Variants in EPB41L3 observed in about 807,000 individuals in gnomAD.
EPB41L3 encodes the protein band 4.1-like protein 3.
EPB41L3 carries 57 observed loss-of-function variants against 127.1 expected under a neutral mutation model. The ratio of observed to expected loss-of-function variants is 0.45; its 90% CI spans 0.36 to 0.56. The LOEUF (loss-of-function observed/expected upper bound fraction) is 0.56. Among genes scored for constraint, EPB41L3 ranks in the 20% least tolerant of loss-of-function variants. The pLI is 0.00. For synonymous variants in EPB41L3, 572 were observed against 549.5 expected (o/e 1.04, Z -0.57); for missense variants, 1,273 against 1,372.2 (o/e 0.93, Z 1.14).
chr18:5,477,252 T>C (rs1329908078), intron 3 of EPB41L3, among the ~76,000 whole-genome samples: 2 of 152,082 alleles, frequency 1.3e-5, no homozygotes, highest in South Asian at 2.1e-4. Flanking sequence ...TTAGCTGTCA[T>C]GAGGGACGAG....
intron 3 of EPB41L3, among the ~76,000 whole-genome samples, chr18:5,469,955 T>C (rs972075099): frequency 2.0e-5 from 3 of 152,116 alleles, no homozygotes; most frequent in African/African-American, 4.8e-5. Flanking sequence ...AATTTTTGTA[T>C]TTTTAATAGA....
At chr18:5,561,002 G>C (rs1214628695) in intron 3 of EPB41L3, among the ~76,000 whole-genome samples, 2 of 144,626 alleles carry the variant, frequency 1.4e-5, no homozygotes, top group Non-Finnish European at 3.0e-5. Context: ...TTTTGAGATG[G>C]AGTCTCGCTC....
At chr18:5,400,318 C>T in intron 16 of EPB41L3, 1 of 318,802 alleles carries the variant, frequency 3.1e-6, no homozygotes, top group Non-Finnish European at 6.1e-6. Context: ...GAAGAGATAT[C>T]AAACCAGGAG....
chr18:5,425,773 A>G (rs935720983), intron 9 of EPB41L3, among the ~76,000 whole-genome samples: 1 of 152,176 alleles, frequency 6.6e-6, no homozygotes, highest in Non-Finnish European at 1.5e-5. Context: ...GAGCCTGCTT[A>G]TGCCAGCACC....
At chr18:5,564,117 C>T (rs960509218) in intron 3 of EPB41L3, among the ~76,000 whole-genome samples, 7 of 152,018 alleles carry the variant, frequency 4.6e-5, no homozygotes, top group South Asian at 2.1e-4. Flanking sequence ...TAGTCACAAG[C>T]GGCCTCACCA....
intron 13 of EPB41L3, among the ~76,000 whole-genome samples, chr18:5,411,995 C>T (rs146577014): frequency 1.7e-4 from 26 of 152,208 alleles, no homozygotes; most frequent in African/African-American, 5.1e-4. Context: ...ATGACCTGAC[C>T]GGCTTGGTTA....
rs541549183 is a variant in EPB41L3 at position 5,403,832 on chromosome 18, A to C, written c.2349+2945T>G. On this transcript the variant is annotated intron_variant, in intron 16 of 22. Transcript: ENST00000341928. ...TAGAGTAATATCAAATTAGTAACTTATTTTAAAAAATATCCCCTCCAAAAT... is the reference window on the plus strand; with the variant it reads ...TAGAGTAATATCAAATTAGTAACTTCTTTTAAAAAATATCCCCTCCAAAAT... 1.3e-5 allele frequency among the ~76,000 whole-genome samples: 2 copies of C among 152,282 alleles called. 1 individual carries two copies. Among genetic ancestry groups the C allele is most frequent in the South Asian group, 4.1e-4 (2 of 4,822 alleles).
At chr18:5,580,479 C>T (rs1372568391) in intron 3 of EPB41L3, among the ~76,000 whole-genome samples, 2 of 152,160 alleles carry the variant, frequency 1.3e-5, no homozygotes, top group African/African-American at 2.4e-5. Flanking sequence ...TAGATACAGA[C>T]TCATATGCAC....
At chr18:5,573,620 G>A (rs1458167519) in intron 3 of EPB41L3, among the ~76,000 whole-genome samples, 1 of 152,142 alleles carries the variant, frequency 6.6e-6, no homozygotes, top group Non-Finnish European at 1.5e-5. Flanking sequence ...AGTTCACTGG[G>A]TTGGTTCAAA....
intron 1 of EPB41L3, among the ~76,000 whole-genome samples, chr18:5,502,443 C>T (rs182674827): frequency 1.3e-5 from 2 of 152,210 alleles, no homozygotes; most frequent in East Asian, 3.9e-4. Context: ...TTTTTAACTA[C>T]TGTAGTTTTC....
At chr18:5,462,905 T>C (rs1353799024) in intron 3 of EPB41L3, among the ~76,000 whole-genome samples, 3 of 152,214 alleles carry the variant, frequency 2.0e-5, no homozygotes, top group African/African-American at 7.2e-5. Flanking sequence ...CGCATCTAAG[T>C]TAAATTCACT....
At chr18:5,561,421 A>T (rs2094134722) in intron 3 of EPB41L3, among the ~76,000 whole-genome samples, 1 of 152,208 alleles carries the variant, frequency 6.6e-6, no homozygotes, top group South Asian at 2.1e-4. Flanking sequence ...CTAATGGCCA[A>T]GATTGAAGAA....
chr18:5,495,022 C>T (rs1475543660), intron 1 of EPB41L3, among the ~76,000 whole-genome samples: 2 of 152,196 alleles, frequency 1.3e-5, no homozygotes, highest in African/African-American at 4.8e-5. Context: ...CACACAGGCC[C>T]TGAAGGGGCA....
upstream of EPB41L3, among the ~76,000 whole-genome samples, chr18:5,545,467 T>C (rs2149105088): frequency 6.6e-6 from 1 of 152,254 alleles, no homozygotes. Context: ...GGTATTTGAT[T>C]TCCTTGGCTG....
chr18:5,454,834 C>T (rs2082791196), intron 3 of EPB41L3, among the ~76,000 whole-genome samples: 1 of 152,126 alleles, frequency 6.6e-6, no homozygotes, highest in African/African-American at 2.4e-5. Flanking sequence ...TGTTTAATTT[C>T]CAGGTCTAAA....
chr18:5,427,107 A>T (rs547169780), intron 9 of EPB41L3, among the ~76,000 whole-genome samples: 1 of 152,154 alleles, frequency 6.6e-6, no homozygotes, highest in Non-Finnish European at 1.5e-5. Flanking sequence ...GGCCCAGGTG[A>T]TTCTCCCACC....
At chr18:5,463,143 C>G (rs751542539) in intron 3 of EPB41L3, among the ~76,000 whole-genome samples, 1 of 152,184 alleles carries the variant, frequency 6.6e-6, no homozygotes, top group African/African-American at 2.4e-5. Flanking sequence ...GGTTCTGGTT[C>G]TCAGCATCTC....
intron 3 of EPB41L3, among the ~76,000 whole-genome samples, chr18:5,454,731 T>C (rs1043752632): frequency 3.3e-5 from 5 of 152,224 alleles, no homozygotes; most frequent in Admixed American, 1.3e-4. Context: ...TTTAATCAAG[T>C]TAGCAATAAT....
chr18:5,615,309 T>G (rs1311818283), intron 1 of EPB41L3, among the ~76,000 whole-genome samples: 1 of 152,196 alleles, frequency 6.6e-6, no homozygotes, highest in Non-Finnish European at 1.5e-5. Context: ...CTGTCTTTTA[T>G]GAATCGACTT....
Sources: allele counts gnomAD v4.1 joint callset (sites outside exome capture counted in the v4.1 genomes callset), GRCh38; gene constraint gnomAD v4.1.1; transcripts MANE v1.5; gene names NCBI Gene and HGNC (gene_info 2026-07-23, HGNC 2026-07-21).